TANC1: variants seen among roughly 807,000 people sequenced by gnomAD.
The protein encoded by TANC1 is tetratricopeptide repeat, ankyrin repeat and coiled-coil containing 1, also known as protein TANC1.
In TANC1, 77 loss-of-function variants were observed where a neutral mutation model predicts 149.7. That is an observed-to-expected ratio of 0.51 (90% CI 0.43 to 0.62). The LOEUF is 0.62. TANC1 is among the 20% of genes least tolerant of loss of function. The probability of loss-of-function intolerance (pLI) is 0.00; values close to 1 mark genes in which losing one functional copy is unlikely to be tolerated. For missense variants in TANC1, 1,985 were observed against 2,321.8 expected (o/e 0.85, Z 2.98); for synonymous variants, 854 against 925.0 (o/e 0.92, Z 1.39).
At chr2:159,185,971 C>A in intron 15 of TANC1, 72 bp downstream of exon 15, 2 of 1,113,682 alleles carry the variant, frequency 1.8e-6, no homozygotes, top group Non-Finnish European at 2.7e-6. Context: ...AGATTTTAGA[C>A]AGCTCTGTCA....
intron 4 of TANC1, among the ~76,000 whole-genome samples, chr2:159,109,751 C>T (rs538247300): frequency 6.6e-6 from 1 of 152,318 alleles, no homozygotes; most frequent in Non-Finnish European, 1.5e-5. Flanking sequence ...GTTAATCACT[C>T]AGTAGCCCTC....
In TANC1 at chr2:159,172,185, T is replaced by C. The variant is rs1286064661; in HGVS notation, c.1416T>C (p.Ala472=). ...TTTCACCGAGTTCTTCCACAAGTGC[T>C]TCCAGCACAGCTAAAACACCTCTTG... ...PLLSPSSSTS[A]SSTAKTPLGS... is the part of the protein sequence containing the mutation. Residue 472 remains alanine, a synonymous_variant, in exon 11 of 27, where the codon GCT becomes GCC. Transcript: ENST00000263635. 6.2e-7 allele frequency: 1 copy of C among 1,614,230 alleles called. No homozygotes were observed. The highest frequency in any genetic ancestry group is 2.2e-5 in the East Asian group (1 of 44,886).
chr2:159,013,502 T>G (rs1371047909), intron 2 of TANC1, among the ~76,000 whole-genome samples: 1 of 152,248 alleles, frequency 6.6e-6, no homozygotes, highest in Non-Finnish European at 1.5e-5. Flanking sequence ...ACCTGATTTA[T>G]AGCAGTGTGA....
At chr2:159,126,197 G>A (rs562103369) in intron 4 of TANC1, among the ~76,000 whole-genome samples, 5 of 152,144 alleles carry the variant, frequency 3.3e-5, no homozygotes, top group Admixed American at 1.3e-4. Context: ...AGTAATGAGG[G>A]GATGGGATCT....
At chr2:159,212,910 A>T (rs904803141) in intron 19 of TANC1, among the ~76,000 whole-genome samples, 1 of 114,210 alleles carries the variant, frequency 8.8e-6, no homozygotes, top group Non-Finnish European at 2.0e-5. Context: ...ACAGGGCGAG[A>T]CACCGTCTCA....
intron 7 of TANC1, among the ~76,000 whole-genome samples, chr2:159,153,345 A>C (rs1360180554): frequency 1.3e-5 from 2 of 152,326 alleles, no homozygotes; most frequent in East Asian, 3.9e-4. Context: ...ACATTTTCCC[A>C]TAACTCGGCT....
chr2:159,229,539 T>C, intron 26 of TANC1, 39 bp from the exon 27 acceptor site: 1 of 1,459,418 alleles, frequency 6.9e-7, no homozygotes, highest in Non-Finnish European at 9.5e-7. Flanking sequence ...AGCATGTTCG[T>C]GTGTGGTTTG....
At chr2:159,038,958 T>C (rs2040412686) in intron 2 of TANC1, among the ~76,000 whole-genome samples, 1 of 152,174 alleles carries the variant, frequency 6.6e-6, no homozygotes, top group Admixed American at 6.5e-5. Context: ...TGGTAGAATT[T>C]GACTGTGAAT....
At chr2:159,064,413 C>T (rs1011098283) in intron 2 of TANC1, among the ~76,000 whole-genome samples, 7 of 152,134 alleles carry the variant, frequency 4.6e-5, no homozygotes, top group Non-Finnish European at 8.8e-5. Flanking sequence ...ATGGCTTTTT[C>T]CAAATTCTGC....
chr2:159,228,969 G>A (rs1291103453), intron 26 of TANC1, 73 bp downstream of exon 26: 2 of 1,234,528 alleles, frequency 1.6e-6, no homozygotes, highest in Admixed American at 3.6e-5. Context: ...TGAATTTGGG[G>A]AGGTTTTGCT....
chr2:159,037,501 A>G (rs1043930436), intron 2 of TANC1, among the ~76,000 whole-genome samples: 2 of 152,202 alleles, frequency 1.3e-5, no homozygotes, highest in Admixed American at 1.3e-4. Flanking sequence ...CTAACATTTA[A>G]GTCTTTAATC....
rs189186220 is a variant in TANC1 at position 159,022,382 on chromosome 2, T to C, written c.-16+21193T>C. On this transcript the variant is annotated intron_variant, in intron 2 of 26. Transcript: ENST00000263635. Reference sequence around the variant, plus strand: ...TGCCCAGGACCTCTTGTTTTTGATCTGGAGACCACTTGAATTCAGGATGTT... The same window carrying C: ...TGCCCAGGACCTCTTGTTTTTGATCCGGAGACCACTTGAATTCAGGATGTT... Among the ~76,000 whole-genome samples, 5 of 152,336 alleles carry C rather than the reference T, an allele frequency of 3.3e-5. No individual in the cohort carries two copies. The East Asian group carries it at 9.6e-4, about 29-fold the overall frequency.
intron 2 of TANC1, among the ~76,000 whole-genome samples, chr2:159,017,636 T>C (rs1409854936): frequency 6.6e-6 from 1 of 152,046 alleles, no homozygotes; most frequent in Non-Finnish European, 1.5e-5. Flanking sequence ...ATTTCACATA[T>C]TTTTTTAATG....
At chr2:159,129,715 G>A (rs2049881353) in intron 4 of TANC1, among the ~76,000 whole-genome samples, 1 of 152,176 alleles carries the variant, frequency 6.6e-6, no homozygotes. Flanking sequence ...AGTGGAGATT[G>A]TGAGGGGAGG....
At chr2:159,061,446 T>G (rs1329978736) in intron 2 of TANC1, among the ~76,000 whole-genome samples, 1 of 152,226 alleles carries the variant, frequency 6.6e-6, no homozygotes, top group East Asian at 1.9e-4. Flanking sequence ...GGTCCTGCCC[T>G]GTACCCAGAG....
intron 2 of TANC1, among the ~76,000 whole-genome samples, chr2:159,017,367 T>C (rs1045858307): frequency 2.6e-5 from 4 of 152,206 alleles, no homozygotes. Context: ...GAACCTTTTA[T>C]GCCAAACAGC....
chr2:159,168,538 G>A (rs2054851579), intron 8 of TANC1, among the ~76,000 whole-genome samples: 2 of 151,986 alleles, frequency 1.3e-5, no homozygotes, highest in Admixed American at 1.3e-4. Flanking sequence ...CTGACCTCAA[G>A]CGATCCACCC....
At chr2:159,133,076 G>A (rs1185906190) in intron 4 of TANC1, among the ~76,000 whole-genome samples, 1 of 152,202 alleles carries the variant, frequency 6.6e-6, no homozygotes, top group Admixed American at 6.5e-5. Context: ...TGGGTAGGTA[G>A]ATTGGAGCTT....
chr2:159,224,396 G>A lies in TANC1; in HGVS notation c.3811+32G>A, dbSNP rs757454068. 5.0e-6 allele frequency: 8 copies of A among 1,613,446 alleles called. No homozygotes were observed. In the South Asian group the frequency reaches 8.8e-5, roughly 18 times the overall value. The stretch of plus-strand genomic sequence containing the variant: ...GAGCACTGCCTCCATTGAGCAGGAG[G>A]AGCGGTGAGCTCCCGATTGTAGAAG... On this transcript the variant is annotated intron_variant, in intron 23 of 26. Transcript: ENST00000263635.
Sources: gnomAD v4.1 joint callset for allele counts (sites outside exome capture counted in the v4.1 genomes callset) on GRCh38, gnomAD v4.1.1 for gene constraint, MANE v1.5 for transcripts, NCBI Gene and HGNC (gene_info 2026-07-23, HGNC 2026-07-21) for gene names.